The following SEPTIN7 variants were observed in gnomAD, a reference collection of about 807,000 sequenced individuals.
The protein encoded by SEPTIN7 is septin 7.
SEPTIN7 carries 10 observed loss-of-function variants against 63.3 expected under a neutral mutation model. The observed-to-expected ratio is 0.16, with a 90% CI of 0.10 to 0.27. The LOEUF (loss-of-function observed/expected upper bound fraction) is 0.27, where lower values mean the gene tolerates loss of function less well. SEPTIN7 is among the 10% of genes least tolerant of loss of function. The probability of loss-of-function intolerance (pLI) is 1.00; values close to 1 mark genes in which losing one functional copy is unlikely to be tolerated. For missense variants in SEPTIN7, 310 were observed against 521.0 expected (o/e 0.59, Z 3.94); for synonymous variants, 131 against 165.3 (o/e 0.79, Z 1.59).
intron 9 of SEPTIN7, among the ~76,000 whole-genome samples, chr7:35,884,492 G>T (rs1467282097): frequency 6.6e-6 from 1 of 152,090 alleles, no homozygotes; most frequent in Non-Finnish European, 1.5e-5. Flanking sequence ...GTCTATTTCT[G>T]TTTTCATATT....
chr7:35,845,465 G>T (rs1317756744), intron 3 of SEPTIN7, among the ~76,000 whole-genome samples: 3 of 152,042 alleles, frequency 2.0e-5, no homozygotes, highest in Admixed American at 6.5e-5. Context: ...AAACATTCGG[G>T]GCAAATGTGT....
At chr7:35,866,779 C>T (rs980403757) in intron 4 of SEPTIN7, among the ~76,000 whole-genome samples, 2 of 152,112 alleles carry the variant, frequency 1.3e-5, no homozygotes, top group Non-Finnish European at 2.9e-5. Context: ...CCTCAGGACC[C>T]TGAGTTATAT....
rs191274628 is a variant in SEPTIN7, at chr7:35,877,826, C to G, written c.513-1997C>G. 5.0e-3 allele frequency among the ~76,000 whole-genome samples: 760 copies of G among 152,252 alleles called. 5 individuals carry two copies. The highest frequency in any genetic ancestry group is 7.7e-3 in the Non-Finnish European group (524 of 68,024). ...CAGATAAATTGAGATAAGGCCCTCGCTGTAGAGGGTATTTCAGTGAGAAGA... is the reference window on the plus strand; with the variant it reads ...CAGATAAATTGAGATAAGGCCCTCGGTGTAGAGGGTATTTCAGTGAGAAGA... On this transcript the variant is annotated intron_variant, in intron 6 of 13. Coordinates refer to ENST00000350320, the MANE Select transcript of SEPTIN7 (RefSeq NM_001788.6).
intron 3 of SEPTIN7, among the ~76,000 whole-genome samples, chr7:35,853,755 A>G (rs934791687): frequency 4.6e-5 from 7 of 152,206 alleles, no homozygotes; most frequent in African/African-American, 1.7e-4. Context: ...TACTGGTAAA[A>G]TATCCCATGT....
the SEPTIN7 span, among the ~76,000 whole-genome samples, chr7:35,915,690 C>G: frequency 6.6e-6 from 1 of 152,214 alleles, no homozygotes; most frequent in East Asian, 1.9e-4. Context: ...CCACCGCAAA[C>G]AGGCCTTGTT....
At chr7:35,885,146 CT>C (rs1301279746) in intron 9 of SEPTIN7, among the ~76,000 whole-genome samples, 1 of 152,028 alleles carries the variant, frequency 6.6e-6, no homozygotes, top group Non-Finnish European at 1.5e-5. Context: ...ACCACTGCCC[CT>C]GGTTTATTTT....
Position 35,879,912 on chromosome 7 carries a change from C to G in SEPTIN7, c.602C>G (p.Pro201Arg). 1 of 1,594,098 alleles carries G rather than the reference C, an allele frequency of 6.3e-7. No individual in the cohort carries two copies. The highest frequency in any genetic ancestry group is 8.6e-7 in the Non-Finnish European group (1 of 1,168,480). The change falls in exon 7 of 14, where the codon CCA becomes CGA. Residue 201 changes from proline (P) to arginine (R), a missense_variant. Pro to Arg is a moderately radical substitution (Grantham distance 103). Transcript: ENST00000350320. ...PLIAKADTLT[P>R]EECQQFKKQI... is the part of the protein sequence containing the mutation. ...ATTGCCAAAGCAGACACACTCACAC[C>G]AGAGGAATGCCAACAGTTTAAAAAA...
chr7:35,811,514 T>C (rs1788703238), intron 1 of SEPTIN7, among the ~76,000 whole-genome samples: 1 of 152,216 alleles, frequency 6.6e-6, no homozygotes, highest in Non-Finnish European at 1.5e-5. Context: ...TGGACCAGCA[T>C]TGGAAACATT....
In SEPTIN7 at chr7:35,906,931, T is replaced by C. The variant is rs1788633897; in HGVS notation, c.*2638T>C. Reference sequence around the variant, plus strand: ...GAGGAGCGAAATGTTGACTCAGTTATCTAGATCATGGTCTCCAAACCTGAT... The same window carrying C: ...GAGGAGCGAAATGTTGACTCAGTTACCTAGATCATGGTCTCCAAACCTGAT... On this transcript the variant is annotated 3_prime_UTR_variant, in exon 14 of 14. Transcript: ENST00000350320. 2.0e-5 allele frequency: 3 copies of C among 152,244 alleles called. No homozygotes were observed. Among genetic ancestry groups the C allele is most frequent in the Non-Finnish European group, 4.4e-5 (3 of 68,044 alleles). The allele number at this position is 152,244 out of a possible 1,614,324, so 9.4% of individuals were successfully genotyped here.
At chr7:35,897,933 A>G (rs890165907) in intron 11 of SEPTIN7, among the ~76,000 whole-genome samples, 2 of 152,174 alleles carry the variant, frequency 1.3e-5, no homozygotes, top group African/African-American at 4.8e-5. Flanking sequence ...TTGAAGAACA[A>G]AATTAAATTA....
At chr7:35,855,020 C>CT (rs1436370466) in intron 3 of SEPTIN7, among the ~76,000 whole-genome samples, 1 of 151,772 alleles carries the variant, frequency 6.6e-6, no homozygotes, top group African/African-American at 2.4e-5. Context: ...AGCAAGTTTC[C>CT]TTTTTTCTCT....
intron 4 of SEPTIN7, among the ~76,000 whole-genome samples, chr7:35,871,417 G>C (rs756528584): frequency 2.0e-5 from 3 of 152,126 alleles, no homozygotes; most frequent in African/African-American, 7.2e-5. Flanking sequence ...TTAAATATCA[G>C]CTCCTCATTT....
chr7:35,814,899 T>G (rs1352505706), intron 1 of SEPTIN7, among the ~76,000 whole-genome samples: 8 of 135,006 alleles, frequency 5.9e-5, no homozygotes, highest in Non-Finnish European at 9.1e-5. Flanking sequence ...GGCCTAAACC[T>G]GGAAGGCAGG....
At chr7:35,817,235 G>T (rs1473825474) in intron 1 of SEPTIN7, among the ~76,000 whole-genome samples, 1 of 151,872 alleles carries the variant, frequency 6.6e-6, no homozygotes, top group Admixed American at 6.6e-5. Context: ...TTTGTGTATG[G>T]CGTGAGATAG....
chr7:35,895,948 T>A (rs1787935802), intron 11 of SEPTIN7, among the ~76,000 whole-genome samples: 1 of 152,152 alleles, frequency 6.6e-6, no homozygotes, highest in South Asian at 2.1e-4. Flanking sequence ...GTAGCTGGAA[T>A]TACAGGCGTG....
rs138800206 is a variant in SEPTIN7 at position 35,801,107 on chromosome 7, A to C, written c.-103A>C. ...TCCGCCTGCTGTAGCGTGCGTAAGCAAGGCAGCTACGCCGGGCGGCTACGC... is the reference window on the plus strand; with the variant it reads ...TCCGCCTGCTGTAGCGTGCGTAAGCCAGGCAGCTACGCCGGGCGGCTACGC... On this transcript the variant is annotated 5_prime_UTR_variant, in exon 1 of 14. Coordinates refer to ENST00000350320, the MANE Select transcript of SEPTIN7 (RefSeq NM_001788.6). 6,917 of 921,646 alleles carry C rather than the reference A, an allele frequency of 7.5e-3. 72 individuals carry two copies. The highest frequency in any genetic ancestry group is 0.011 in the Middle Eastern group (30 of 2,838). The allele number at this position is 921,646 out of a possible 1,614,324, so 57.1% of individuals were successfully genotyped here.
intron 9 of SEPTIN7, among the ~76,000 whole-genome samples, chr7:35,885,008 T>C (rs1252769334): frequency 3.3e-5 from 5 of 151,906 alleles, no homozygotes; most frequent in Admixed American, 3.3e-4. Flanking sequence ...GTTGCTATTA[T>C]TTTTGAACTT....
intron 1 of SEPTIN7, among the ~76,000 whole-genome samples, chr7:35,817,357 A>G (rs891189273): frequency 6.6e-6 from 1 of 151,530 alleles, no homozygotes. Context: ...ACTGGCCATA[A>G]ATGTAAGGGT....
chr7:35,803,273 C>T (rs1788115528), intron 1 of SEPTIN7: 1 of 322,884 alleles, frequency 3.1e-6, no homozygotes. Flanking sequence ...GCACATTGTC[C>T]CGTAGAAGTC....
Sources: gnomAD v4.1 joint callset for allele counts (sites outside exome capture counted in the v4.1 genomes callset) on GRCh38, gnomAD v4.1.1 for gene constraint, MANE v1.5 for transcripts, NCBI Gene and HGNC (gene_info 2026-07-23, HGNC 2026-07-21) for gene names.